SLC28A3: variants seen among roughly 807,000 people sequenced by gnomAD.
The protein encoded by SLC28A3 is solute carrier family 28 member 3.
A neutral mutation model predicts 84.2 loss-of-function variants in SLC28A3; 68 were observed. That is an observed-to-expected ratio of 0.81 (90% confidence interval 0.66 to 0.99). SLC28A3 has a LOEUF of 0.99. Among genes scored for constraint, SLC28A3 ranks in the 50% least tolerant of loss-of-function variants. The pLI is 0.00. For missense variants in SLC28A3, 712 were observed against 841.5 expected, an observed-to-expected ratio of 0.85 and a Z score of 1.90; for synonymous variants, 267 against 303.6, an observed-to-expected ratio of 0.88 and a Z score of 1.25.
At chr9:84,323,121 A>G (rs1218723429) in intron 1 of SLC28A3, among the ~76,000 whole-genome samples, 2 of 152,180 alleles carry the variant, frequency 1.3e-5, no homozygotes, top group East Asian at 3.8e-4. Context: ...GGTATTTGCT[A>G]TAGGAAGAGG....
At chr9:84,285,077 G>A (rs1824925337) in intron 14 of SLC28A3, among the ~76,000 whole-genome samples, 1 of 152,172 alleles carries the variant, frequency 6.6e-6, no homozygotes, top group Non-Finnish European at 1.5e-5. Flanking sequence ...GTGACTCTGG[G>A]TCTGTGTCCA....
At chr9:84,307,430 C>CAA (rs773007559) in intron 3 of SLC28A3, among the ~76,000 whole-genome samples, 4 of 40,740 alleles carry the variant, frequency 9.8e-5, no homozygotes, top group South Asian at 8.4e-4. Flanking sequence ...GACTCCATCT[C>CAA]AAAAAAAAAA....
chr9:84,292,709 T>A lies in SLC28A3; in HGVS notation c.982A>T (p.Ile328Phe). 6.2e-7 allele frequency: 1 copy of A among 1,609,030 alleles called. No individual in the cohort carries two copies. The highest frequency in any genetic ancestry group is 8.5e-7 in the Non-Finnish European group (1 of 1,178,362). ...TTGCCAGAAGCAACTACAGATTCAATAGGAGATGATCCCGTAGTAACTAGC... is the reference window on the plus strand; with the variant it reads ...TTGCCAGAAGCAACTACAGATTCAAAAGGAGATGATCCCGTAGTAACTAGC... ...IMLVTTGSSP[I>F]ESVVASGNIF... The change falls in exon 10 of 18, where the codon ATT becomes TTT. Residue 328 changes from isoleucine (I) to phenylalanine (F), a missense_variant. By Grantham distance (21) the Ile-to-Phe change is conservative. Transcript: ENST00000376238.
chr9:84,324,909 C>A (rs1326133403), intron 1 of SLC28A3, among the ~76,000 whole-genome samples: 1 of 152,180 alleles, frequency 6.6e-6, no homozygotes, highest in Admixed American at 6.5e-5. Flanking sequence ...GCAACCTTGA[C>A]TCACATGAAT....
intron 1 of SLC28A3, among the ~76,000 whole-genome samples, 191 bp from the exon 2 acceptor site, chr9:84,313,645 T>C (rs1219529179): frequency 6.6e-6 from 1 of 151,746 alleles, no homozygotes; most frequent in East Asian, 1.9e-4. Context: ...CTGGGCACAG[T>C]GGTTCGTACC....
At chr9:84,312,314 G>A (rs1826016574) in intron 2 of SLC28A3, among the ~76,000 whole-genome samples, 1 of 152,048 alleles carries the variant, frequency 6.6e-6, no homozygotes, top group African/African-American at 2.4e-5. Context: ...ACTATGCATG[G>A]TATGATTCCA....
At chr9:84,344,291 T>A (rs1183474116), upstream of SLC28A3, among the ~76,000 whole-genome samples, 3 of 148,786 alleles carry the variant, frequency 2.0e-5, no homozygotes, top group African/African-American at 7.5e-5. Flanking sequence ...CGGGTTCAAG[T>A]GATTCTCCTG....
chr9:84,321,139 G>A (rs1826361615), intron 1 of SLC28A3, among the ~76,000 whole-genome samples: 1 of 152,016 alleles, frequency 6.6e-6, no homozygotes, highest in Admixed American at 6.6e-5. Flanking sequence ...GTTTAGCCAC[G>A]GTGAACTGGA....
intron 12 of SLC28A3, among the ~76,000 whole-genome samples, chr9:84,287,157 A>AAAAC (rs142474844): frequency 2.5e-4 from 38 of 151,452 alleles, no homozygotes; most frequent in Admixed American, 7.9e-4. Flanking sequence ...AGACCCTGTC[A>AAAAC]AAACAAACAA....
intron 11 of SLC28A3, 107 bp from the exon 12 acceptor site, chr9:84,288,285 C>A (rs1825078179): frequency 6.7e-7 from 1 of 1,492,166 alleles, no homozygotes; most frequent in Non-Finnish European, 9.1e-7. Flanking sequence ...GGGGTTGTTT[C>A]TATTCCAGAA....
At chr9:84,309,960 CT>C (rs1825936927) in intron 2 of SLC28A3, among the ~76,000 whole-genome samples, 2 of 152,112 alleles carry the variant, frequency 1.3e-5, no homozygotes, top group African/African-American at 4.8e-5. Context: ...GTATTTTCTC[CT>C]TTTCTTAAGG....
In SLC28A3 at chr9:84,280,718, T is replaced by C. The variant is rs530364908; in HGVS notation, c.1729+83A>G. ...CTGTTGCAAAGGCCTTTGTTTTTTC[T>C]GACATAACAGTACAGAGCAAAATGG... On this transcript the variant is annotated intron_variant, in intron 15 of 17. Coordinates refer to ENST00000376238, the MANE Select transcript of SLC28A3 (RefSeq NM_001199633.2). The C allele has an allele frequency of 2.9e-6, 4 of 1,390,494 alleles. No homozygotes were observed. The African/African-American group carries it at 4.3e-5, about 15-fold the overall frequency. The allele number at this position is 1,390,494 out of a possible 1,614,324, so 86.1% of individuals were successfully genotyped here. A position where few individuals can be genotyped will look rare whatever the true frequency, so the allele number is the denominator to read the frequency against.
chr9:84,276,971 C>A lies in SLC28A3; in HGVS notation c.*1247G>T, dbSNP rs953375013. The A allele has an allele frequency of 6.6e-6, 1 of 152,200 alleles. No individual in the cohort carries two copies. The allele number at this position is 152,200 out of a possible 1,614,324, so 9.4% of individuals were successfully genotyped here. On this transcript the variant is annotated 3_prime_UTR_variant, in exon 18 of 18. Transcript: ENST00000376238. ...TTAAGAGCAGTGGTGATGGGCATTT[C>A]GTTAAAGAGCACACCACCATTGTCT...
At chr9:84,346,913 G>A in the SLC28A3 span, among the ~76,000 whole-genome samples, 1 of 152,100 alleles carries the variant, frequency 6.6e-6, no homozygotes, top group Admixed American at 6.5e-5. Flanking sequence ...AGTGGTTCAT[G>A]CCTGTAATCC....
Position 84,334,143 on chromosome 9 carries a change from A to G in SLC28A3, c.60+6431T>C, listed in dbSNP as rs1171918977. On this transcript the variant is annotated intron_variant, in intron 1 of 17. Coordinates refer to ENST00000376238, the MANE Select transcript of SLC28A3 (RefSeq NM_001199633.2). The stretch of plus-strand genomic sequence containing the variant: ...AACAGGGTGAAACCCCGTCTCTACT[A>G]AAAATACAAGCCGGGCCTGGTGGCT... 2.6e-5 allele frequency among the ~76,000 whole-genome samples: 4 copies of G among 152,160 alleles called. No individual in the cohort carries two copies. In the East Asian group the frequency reaches 7.7e-4, roughly 29 times the overall value.
At chr9:84,292,511 TC>T in intron 10 of SLC28A3, 156 bp downstream of exon 10, 1 of 550,930 alleles carries the variant, frequency 1.8e-6, no homozygotes, top group Admixed American at 3.6e-5. Context: ...CTCTCTCTTC[TC>T]CCCCTGGAAT....
At chr9:84,347,702 AG>A in the SLC28A3 span, among the ~76,000 whole-genome samples, 2 of 152,200 alleles carry the variant, frequency 1.3e-5, no homozygotes, top group African/African-American at 4.8e-5. Context: ...GAGAAGGCAC[AG>A]GTGTCGGGCT....
At chr9:84,305,375 A>C in intron 3 of SLC28A3, 30 bp from the exon 4 acceptor site, 2 of 1,569,084 alleles carry the variant, frequency 1.3e-6, no homozygotes, top group Non-Finnish European at 1.8e-6. Context: ...AGGCAGGGAG[A>C]AGTAAACACC....
chr9:84,329,724 T>C (rs1327548844), intron 1 of SLC28A3, among the ~76,000 whole-genome samples: 3 of 151,650 alleles, frequency 2.0e-5, no homozygotes, highest in South Asian at 4.2e-4. Flanking sequence ...CTCTGTCTCA[T>C]GAAAAAAAGA....
Sources: gnomAD v4.1 joint callset for allele counts (sites outside exome capture counted in the v4.1 genomes callset) on GRCh38, gnomAD v4.1.1 for gene constraint, MANE v1.5 for transcripts, NCBI Gene and HGNC (gene_info 2026-07-23, HGNC 2026-07-21) for gene names.